Variants in POLR1B observed in about 807,000 individuals in gnomAD.
The protein encoded by POLR1B is DNA-directed RNA polymerase I subunit RPA2.
A neutral mutation model predicts 105.8 loss-of-function variants in POLR1B; 30 were observed. The observed-to-expected ratio is 0.28, with a 90% CI of 0.21 to 0.38. The LOEUF (loss-of-function observed/expected upper bound fraction) is 0.38. Among genes scored for constraint, POLR1B ranks in the 10% least tolerant of loss-of-function variants. The probability of loss-of-function intolerance (pLI) is 1.00; values close to 1 mark genes in which losing one functional copy is unlikely to be tolerated. For missense variants in POLR1B, 976 were observed against 1,435.8 expected (o/e 0.68, Z 5.17); for synonymous variants, 485 against 505.1 (o/e 0.96, Z 0.53).
intron 1 of POLR1B, among the ~76,000 whole-genome samples, chr2:112,546,544 CTTTTTTTTTTTTTTTTTTTTTTT>C (rs869087985): frequency 1.9e-5 from 1 of 53,158 alleles, no homozygotes; most frequent in Non-Finnish European, 3.1e-5. Flanking sequence ...CTGGAGGTAG[CTTTTTTTTTTTTTTTTTTTTTTT>C]TTTTTTTTTT....
Position 112,559,574 on chromosome 2 carries a change from G to C in POLR1B, c.1612G>C (p.Gly538Arg). The C allele has an allele frequency of 6.2e-7, 1 of 1,613,674 alleles. No homozygotes were observed. The highest frequency in any genetic ancestry group is 8.5e-7 in the Non-Finnish European group (1 of 1,179,676). ...TATTCCAGCTTTACTGTGCAACTTG[G>C]GTATGTAGTGTACAGTGATAAACAT... ...ASIPALLCNL[G>R]VTPIDGAPHR... The change falls in exon 9 of 15, where the codon GGG becomes CGG. Residue 538 changes from glycine (G) to arginine (R), a missense_variant and splice_region_variant. Gly to Arg is a moderately radical substitution (Grantham distance 125, BLOSUM62 -2). Coordinates refer to ENST00000263331, the MANE Select transcript of POLR1B (RefSeq NM_019014.6).
rs150968081 is a variant in POLR1B at position 112,572,713 on chromosome 2, C to T, written c.2226C>T (p.Ile742=). Residue 742 remains isoleucine (I), a synonymous_variant, in exon 13 of 15, where the codon ATC becomes ATT. Transcript: ENST00000263331. ...MDNYPIGTNA[I]VAVISYTGYD... The stretch of plus-strand genomic sequence containing the variant: ...ACTATCCAATTGGGACCAATGCCAT[C>T]GTTGCTGTGATTTCTTACACTGGCT... 2.0e-5 allele frequency: 32 copies of T among 1,610,526 alleles called. No individual in the cohort carries two copies. The African/African-American group carries it at 2.9e-4, about 15-fold the overall frequency.
intron 10 of POLR1B, among the ~76,000 whole-genome samples, chr2:112,566,019 C>T (rs1233635548): frequency 3.9e-5 from 6 of 152,006 alleles, no homozygotes; most frequent in Admixed American, 1.3e-4. Context: ...CCACCACGCC[C>T]GGCTAATTTT....
At chr2:112,574,769 G>C (rs1353819307) in intron 14 of POLR1B, 78 bp from the exon 15 acceptor site, 2 of 1,099,326 alleles carry the variant, frequency 1.8e-6, no homozygotes, top group Admixed American at 2.4e-5. Context: ...CCTTTATGAA[G>C]CACTAATTAT....
rs184629294 is a variant in POLR1B at position 112,569,598 on chromosome 2, C to T, written c.2074+696C>T. On this transcript the variant is annotated intron_variant, in intron 12 of 14. Coordinates refer to ENST00000263331, the MANE Select transcript of POLR1B (RefSeq NM_019014.6). ...TTTTTGAGACAGAGTCTCGCTCTGTCGCCTAGGCTGGAGTGCAGTGGTGTG... is the reference window on the plus strand; with the variant it reads ...TTTTTGAGACAGAGTCTCGCTCTGTTGCCTAGGCTGGAGTGCAGTGGTGTG... Among the ~76,000 whole-genome samples, 351 of 149,598 alleles carry T rather than the reference C, an allele frequency of 2.3e-3. 1 individual carries two copies. The highest frequency in any genetic ancestry group is 5.1e-3 in the South Asian group (24 of 4,744).
At chr2:112,558,782 C>A (rs1683805804) in intron 8 of POLR1B, among the ~76,000 whole-genome samples, 1 of 151,908 alleles carries the variant, frequency 6.6e-6, no homozygotes, top group Admixed American at 6.6e-5. Flanking sequence ...CAACACCTGG[C>A]TAATTTTTGT....
At position 112,573,717 on chromosome 2, in the gene POLR1B, C is replaced by A. The variant is rs747625945; in HGVS notation, c.2427C>A (p.Asp809Glu). 6.2e-7 allele frequency: 1 copy of A among 1,614,212 alleles called. No homozygotes were observed. Among genetic ancestry groups the A allele is most frequent in the Non-Finnish European group, 8.5e-7 (1 of 1,180,048 alleles). The change falls in exon 14 of 15, where the codon GAC (aspartate) becomes GAA (glutamate). Residue 809 changes from aspartate (D) to glutamate (E), a missense_variant. By Grantham distance (45) the Asp-to-Glu change is conservative. Transcript: ENST00000263331. ...GDPRVLQKLD[D>E]DGLPFIGAKL... Reference sequence around the variant, plus strand: ...CACGCGTTCTGCAGAAGTTAGATGACGATGGATTGCCGTTTATAGGAGCAA... The same window carrying A: ...CACGCGTTCTGCAGAAGTTAGATGAAGATGGATTGCCGTTTATAGGAGCAA...
chr2:112,545,639 T>G (rs988184297), intron 1 of POLR1B, among the ~76,000 whole-genome samples: 1 of 127,110 alleles, frequency 7.9e-6, no homozygotes, highest in African/African-American at 2.9e-5. Flanking sequence ...TTTTTTAACT[T>G]CATTCTGTTT....
intron 7 of POLR1B, among the ~76,000 whole-genome samples, chr2:112,557,147 A>G (rs538022740): frequency 6.6e-6 from 1 of 152,338 alleles, no homozygotes; most frequent in African/African-American, 2.4e-5. Context: ...TTAGCCAGGC[A>G]TGGTGGCACA....
At chr2:112,549,497 T>TTA in intron 4 of POLR1B, 98 bp downstream of exon 4, 13 of 965,838 alleles carry the variant, frequency 1.3e-5, no homozygotes, top group Non-Finnish European at 1.8e-5. Flanking sequence ...ATATTTTTGT[T>TTA]TCTTTTTTTT....
chr2:112,549,308 C>A lies in POLR1B; in HGVS notation c.534C>A (p.Val178=), dbSNP rs771880092. 3.7e-6 allele frequency: 6 copies of A among 1,613,376 alleles called. No homozygotes were observed. The South Asian group carries it at 6.6e-5, about 18-fold the overall frequency. ...TTATAATCAATGGCATTGAAAAAGT[C>A]ATCCGAATGTTGATTATGCCTCGGA... The part of the protein sequence containing the change: ...GYFIINGIEK[V]IRMLIMPRRN... The change falls in exon 4 of 15, where the codon GTC becomes GTA. Residue 178 remains valine, a synonymous_variant. Transcript: ENST00000263331.
chr2:112,549,249 A>G lies in POLR1B; in HGVS notation c.493-18A>G. 6.2e-7 allele frequency: 1 copy of G among 1,612,222 alleles called. No individual in the cohort carries two copies. The highest frequency in any genetic ancestry group is 1.1e-5 in the South Asian group (1 of 90,972). The stretch of plus-strand genomic sequence containing the variant: ...CATGTATCTTTGTTTAACAAGTTGC[A>G]ATTCATCTTTTTGGCAGGAAATGGG... On this transcript the variant is annotated intron_variant, in intron 3 of 14. Coordinates refer to ENST00000263331, the MANE Select transcript of POLR1B (RefSeq NM_019014.6).
In POLR1B at chr2:112,559,501, C is replaced by T. The variant is rs968776124; in HGVS notation, c.1539C>T (p.His513=). 2 of 1,614,142 alleles carry T rather than the reference C, an allele frequency of 1.2e-6. No individual in the cohort carries two copies. The highest frequency in any genetic ancestry group is 1.7e-6 in the Non-Finnish European group (2 of 1,180,058). ...PDGEPCGLMN[H]LTAVCEVVTQ... ...GGGAGCCCTGTGGCCTGATGAACCA[C>T]CTAACTGCCGTATGTGAGGTTGTCA... The change falls in exon 9 of 15, where the codon CAC becomes CAT. Residue 513 remains histidine (H), a synonymous_variant. Transcript: ENST00000263331.
intron 8 of POLR1B, 102 bp from the exon 9 acceptor site, chr2:112,559,191 T>C (rs1683827649): frequency 7.7e-7 from 1 of 1,305,990 alleles, no homozygotes; most frequent in South Asian, 1.3e-5. Context: ...TAATTCATTC[T>C]ATGATCTGTA....
rs1193900838 is a variant in POLR1B at position 112,577,319 on chromosome 2, G to A, written c.*1590G>A. On this transcript the variant is annotated 3_prime_UTR_variant, in exon 15 of 15. Coordinates refer to ENST00000263331, the MANE Select transcript of POLR1B (RefSeq NM_019014.6). ...AACATTTTAGGAGGCCTAGGCAGGA[G>A]CAATCACTTGTGCCTGGGAGTTCTA... Among the ~76,000 whole-genome samples, 3 of 152,320 alleles carry A rather than the reference G, an allele frequency of 2.0e-5. No homozygotes were observed. Among genetic ancestry groups the A allele is most frequent in the East Asian group, 1.9e-4 (1 of 5,174 alleles).
At chr2:112,570,803 G>A (rs1301185439) in intron 12 of POLR1B, among the ~76,000 whole-genome samples, 19 of 150,168 alleles carry the variant, frequency 1.3e-4, no homozygotes, top group Admixed American at 3.3e-4. Flanking sequence ...TTTTGAGACA[G>A]GGTATCGCTC....
At chr2:112,566,734 TC>T (rs1684294540) in intron 10 of POLR1B, among the ~76,000 whole-genome samples, 1 of 139,948 alleles carries the variant, frequency 7.1e-6, no homozygotes, top group Admixed American at 6.9e-5. Flanking sequence ...CAATCATTCC[TC>T]TTTTTTTTTT....
intron 10 of POLR1B, among the ~76,000 whole-genome samples, chr2:112,566,292 C>CTGTAATAAGTAACT: frequency 6.6e-6 from 1 of 152,318 alleles, no homozygotes; most frequent in South Asian, 2.1e-4. Flanking sequence ...CTGTTTTTCT[C>CTGTAATAAGTAACT]TGTAATAAGT....
At chr2:112,564,583 C>T (rs1341346503) in intron 10 of POLR1B, 84 bp downstream of exon 10, 22 of 1,561,236 alleles carry the variant, frequency 1.4e-5, no homozygotes, top group East Asian at 2.2e-5. Flanking sequence ...AACCCCTGGG[C>T]GGTCTAGAGT....
Sources: allele counts gnomAD v4.1 joint callset (sites outside exome capture counted in the v4.1 genomes callset), GRCh38; gene constraint gnomAD v4.1.1; transcripts MANE v1.5; gene names NCBI Gene and HGNC (gene_info 2026-07-23, HGNC 2026-07-21).